ELOVL6: variants seen among roughly 807,000 people sequenced by gnomAD.
ELOVL6 encodes very long chain fatty acid elongase 6.
In ELOVL6, 8 loss-of-function variants were observed where a neutral mutation model predicts 31.7. The observed-to-expected ratio is 0.25, with a 90% CI of 0.15 to 0.45. ELOVL6 has a LOEUF of 0.45. Ranked by LOEUF, ELOVL6 falls within the 20% of genes least tolerant of loss-of-function variation. ELOVL6 has a pLI of 1.00. For synonymous variants in ELOVL6, 101 were observed against 117.7 expected (o/e 0.86, Z 0.92); for missense variants, 126 against 326.4 (o/e 0.39, Z 4.73).
At chr4:110,073,824 C>T (rs948076916) in intron 2 of ELOVL6, among the ~76,000 whole-genome samples, 3 of 152,134 alleles carry the variant, frequency 2.0e-5, no homozygotes, top group South Asian at 4.2e-4. Context: ...AAAAGACCAC[C>T]GCTGGAAGAT....
intron 1 of ELOVL6, among the ~76,000 whole-genome samples, chr4:110,142,030 A>C (rs371298128): frequency 1.7e-4 from 25 of 149,870 alleles, no homozygotes; most frequent in South Asian, 4.2e-4. Context: ...TTTGCAGTCC[A>C]AGGAACTTCA....
At chr4:110,053,174 T>G (rs1221860775) in intron 3 of ELOVL6, among the ~76,000 whole-genome samples, 1 of 152,176 alleles carries the variant, frequency 6.6e-6, no homozygotes, top group African/African-American at 2.4e-5. Flanking sequence ...CTCGGCCTCC[T>G]AAAGTGCTGG....
intron 2 of ELOVL6, among the ~76,000 whole-genome samples, chr4:110,090,375 C>T (rs1756383051): frequency 1.3e-5 from 2 of 152,032 alleles, no homozygotes; most frequent in African/African-American, 2.4e-5. Flanking sequence ...TAAAAGTAGG[C>T]ACCCTCTATT....
intron 1 of ELOVL6, among the ~76,000 whole-genome samples, chr4:110,196,000 C>T (rs548395286): frequency 6.6e-6 from 1 of 152,164 alleles, no homozygotes; most frequent in African/African-American, 2.4e-5. Context: ...GATACGTTGG[C>T]ACATTTTTGT....
At chr4:110,104,883 C>T (rs1050824781) in intron 2 of ELOVL6, among the ~76,000 whole-genome samples, 1 of 152,194 alleles carries the variant, frequency 6.6e-6, no homozygotes, top group Admixed American at 6.5e-5. Flanking sequence ...GACAGATGCC[C>T]TGAGAGAACA....
intron 1 of ELOVL6, among the ~76,000 whole-genome samples, chr4:110,196,761 A>G (rs938606203): frequency 3.5e-4 from 53 of 151,742 alleles, no homozygotes; most frequent in African/African-American, 4.6e-4. Flanking sequence ...AGCTCACCCC[A>G]AGCAGGCCTG....
chr4:110,198,366 C>A lies in ELOVL6; in HGVS notation c.-31G>T, dbSNP rs1188776843. 4 of 1,309,554 alleles carry A rather than the reference C, an allele frequency of 3.1e-6. No individual in the cohort carries two copies. The East Asian group carries it at 9.2e-5, about 30-fold the overall frequency. 81.1% of individuals were successfully genotyped at this position (1,309,554 alleles called of 1,614,324 possible). A position where few individuals can be genotyped will look rare whatever the true frequency, so the allele number is the denominator to read the frequency against. ...CTGATCTTCGGAGTCGCTACGTGTT[C>A]TCTATACAAAATAAAATAATCTGTA... On this transcript the variant is annotated 5_prime_UTR_variant, in exon 1 of 4. Coordinates refer to ENST00000302274, the MANE Select transcript of ELOVL6 (RefSeq NM_024090.3).
chr4:110,136,350 A>G (rs564055599), intron 1 of ELOVL6, among the ~76,000 whole-genome samples: 3 of 152,298 alleles, frequency 2.0e-5, no homozygotes, highest in African/African-American at 7.2e-5. Context: ...TCCTACAACT[A>G]TGGGTTTGTC....
intron 1 of ELOVL6, among the ~76,000 whole-genome samples, chr4:110,153,883 T>G (rs1758346108): frequency 6.6e-6 from 1 of 152,206 alleles, no homozygotes; most frequent in African/African-American, 2.4e-5. Context: ...TAAGCAGCTT[T>G]ACAAGGCTTA....
At position 110,051,295 on chromosome 4, in the gene ELOVL6, T is replaced by G; in HGVS notation, c.*43A>C. On this transcript the variant is annotated 3_prime_UTR_variant, in exon 4 of 4. Transcript: ENST00000302274. The surrounding 1 kb of genome is among the most constrained non-coding windows in gnomAD (Gnocchi z 4.8). ...TGCCATTTTCTTTTGTCTATTATTT[T>G]TCTTGATGACCCTGAGCTATGGCTT... 3 of 1,575,184 alleles carry G rather than the reference T, an allele frequency of 1.9e-6. No homozygotes were observed. Among genetic ancestry groups the G allele is most frequent in the Non-Finnish European group, 2.6e-6 (3 of 1,158,830 alleles).
chr4:110,166,234 G>A (rs981635421), intron 1 of ELOVL6, among the ~76,000 whole-genome samples: 1 of 152,094 alleles, frequency 6.6e-6, no homozygotes, highest in Admixed American at 6.6e-5. Context: ...TGTTGTCTTT[G>A]GGCTAGGACC....
At chr4:110,084,561 CAGAT>C (rs1560815795) in intron 2 of ELOVL6, among the ~76,000 whole-genome samples, 3 of 61,188 alleles carry the variant, frequency 4.9e-5, no homozygotes, top group Non-Finnish European at 8.0e-5. Flanking sequence ...CACACACACA[CAGAT>C]ATATATATAT....
chr4:110,138,470 G>T (rs144424718), intron 1 of ELOVL6, among the ~76,000 whole-genome samples: 1 of 152,254 alleles, frequency 6.6e-6, no homozygotes, highest in East Asian at 1.9e-4. Flanking sequence ...AACACACTAC[G>T]ATGTGTTTTG....
At chr4:110,181,137 CA>C (rs372790654) in intron 1 of ELOVL6, among the ~76,000 whole-genome samples, 70 of 140,142 alleles carry the variant, frequency 5.0e-4, no homozygotes, top group Middle Eastern at 3.6e-3. Context: ...GACCCAGTCT[CA>C]AAAAAAAAAA....
intron 1 of ELOVL6, chr4:110,117,903 A>AAAAAAATATATAT: frequency 1.5e-4 from 1 of 6,504 alleles, no homozygotes; most frequent in African/African-American, 3.3e-4. Flanking sequence ...AAAAAAAAAA[A>AAAAAAATATATAT]ATATATATAT....
At chr4:110,088,768 GCTA>G (rs1756339635) in intron 2 of ELOVL6, among the ~76,000 whole-genome samples, 1 of 152,122 alleles carries the variant, frequency 6.6e-6, no homozygotes, top group African/African-American at 2.4e-5. Flanking sequence ...CACCAACAGG[GCTA>G]CTAAGTGACT....
intron 1 of ELOVL6, among the ~76,000 whole-genome samples, chr4:110,187,483 C>T (rs1028764676): frequency 2.0e-5 from 3 of 149,910 alleles, no homozygotes; most frequent in Non-Finnish European, 4.4e-5. Context: ...CCGAGGCAGG[C>T]GGATCACCTG....
chr4:110,177,162 G>A (rs772586081), intron 1 of ELOVL6, among the ~76,000 whole-genome samples: 2 of 152,220 alleles, frequency 1.3e-5, no homozygotes, highest in African/African-American at 2.4e-5. Context: ...AGCAGATCTA[G>A]GCATGTTGGC....
At chr4:110,112,552 T>G (rs990477060) in intron 1 of ELOVL6, among the ~76,000 whole-genome samples, 1 of 152,222 alleles carries the variant, frequency 6.6e-6, no homozygotes, top group Non-Finnish European at 1.5e-5. Flanking sequence ...CTGTCCTTGC[T>G]GCTCTAGTTA....
Sources: gnomAD v4.1 joint callset for allele counts (sites outside exome capture counted in the v4.1 genomes callset) on GRCh38, gnomAD v4.1.1 for gene constraint, Gnocchi (gnomAD v3.1) non-coding constraint, MANE v1.5 for transcripts, NCBI Gene and HGNC (gene_info 2026-07-23, HGNC 2026-07-21) for gene names.